Variants in OXSR1 observed in about 807,000 individuals in gnomAD.
OXSR1 encodes the protein oxidative stress responsive kinase 1.
A neutral mutation model predicts 79.8 loss-of-function variants in OXSR1; 24 were observed. The ratio of observed to expected loss-of-function variants is 0.30; its 90% CI spans 0.22 to 0.42. OXSR1 has a LOEUF of 0.42. Ranked by LOEUF, OXSR1 falls within the 10% of genes least tolerant of loss-of-function variation. The pLI is 1.00. For synonymous variants in OXSR1, 226 were observed against 209.2 expected (o/e 1.08, Z -0.69); for missense variants, 430 against 618.4 (o/e 0.70, Z 3.23).
At position 38,223,874 on chromosome 3, in the gene OXSR1, T is replaced by C. The variant is rs769501705; in HGVS notation, c.663T>C (p.Ala221=). Residue 221 remains alanine (A), a synonymous_variant, in exon 7 of 18, where the codon GCT becomes GCC. Coordinates refer to ENST00000311806, the MANE Select transcript of OXSR1 (RefSeq NM_005109.3). ...WSFGITAIEL[A]TGAAPYHKYP... ...TTGGAATTACAGCAATTGAATTGGCTACAGGGGCGGCTCCTTATCATAAAT... is the reference window on the plus strand; with the variant it reads ...TTGGAATTACAGCAATTGAATTGGCCACAGGGGCGGCTCCTTATCATAAAT... 1.2e-6 allele frequency: 2 copies of C among 1,609,426 alleles called. No homozygotes were observed. The highest frequency in any genetic ancestry group is 1.7e-6 in the Non-Finnish European group (2 of 1,177,080).
intron 4 of OXSR1, among the ~76,000 whole-genome samples, chr3:38,206,804 C>T (rs112380814): frequency 7.4e-4 from 112 of 152,306 alleles, no homozygotes; most frequent in Non-Finnish European, 1.2e-3. Flanking sequence ...TTGATTAGCA[C>T]AGTCTTTCTT....
intron 1 of OXSR1, among the ~76,000 whole-genome samples, chr3:38,178,621 T>TATATATATA (rs1491123706): frequency 2.7e-3 from 180 of 65,738 alleles, no homozygotes; most frequent in African/African-American, 0.012. Context: ...TATATATATA[T>TATATATATA]TTTTTTTTTT....
At chr3:38,212,609 A>C (rs573809765) in intron 4 of OXSR1, among the ~76,000 whole-genome samples, 1 of 152,338 alleles carries the variant, frequency 6.6e-6, no homozygotes, top group South Asian at 2.1e-4. Flanking sequence ...ATGAGTAATA[A>C]AAATGTTATG....
At chr3:38,236,594 A>T (rs1482150261) in intron 10 of OXSR1, 1 of 277,942 alleles carries the variant, frequency 3.6e-6, no homozygotes, top group Non-Finnish European at 6.7e-6. Context: ...GATTTTACAT[A>T]AAAAGGATTT....
At chr3:38,191,948 G>A (rs931640016) in intron 3 of OXSR1, among the ~76,000 whole-genome samples, 3 of 152,118 alleles carry the variant, frequency 2.0e-5, no homozygotes, top group African/African-American at 4.8e-5. Flanking sequence ...CAACTGGGAC[G>A]CTGATTAATC....
At chr3:38,243,636 C>G (rs1423159199) in intron 12 of OXSR1, among the ~76,000 whole-genome samples, 2 of 152,164 alleles carry the variant, frequency 1.3e-5, no homozygotes, top group African/African-American at 2.4e-5. Context: ...TAAACCAATT[C>G]TATTCTTGCC....
intron 1 of OXSR1, among the ~76,000 whole-genome samples, chr3:38,173,906 G>A (rs1204708836): frequency 1.3e-5 from 2 of 152,176 alleles, no homozygotes; most frequent in African/African-American, 2.4e-5. Flanking sequence ...GGTGGAGGTG[G>A]GGTTTCAGTT....
intron 11 of OXSR1, among the ~76,000 whole-genome samples, chr3:38,239,896 C>T (rs1702994400): frequency 6.6e-6 from 1 of 152,190 alleles, no homozygotes; most frequent in Non-Finnish European, 1.5e-5. Context: ...TATGTAGGGA[C>T]AAGGCCCACC....
Position 38,198,794 on chromosome 3 carries a change from C to T in OXSR1, c.365C>T (p.Thr122Ile). 24 of 1,612,478 alleles carry T rather than the reference C, an allele frequency of 1.5e-5. No individual in the cohort carries two copies. The highest frequency in any genetic ancestry group is 2.0e-5 in the Non-Finnish European group (23 of 1,178,616). The change falls in exon 4 of 18, where the codon ACC (threonine) becomes ATC (isoleucine). Residue 122 changes from threonine (T) to isoleucine (I), a missense_variant. Coordinates refer to ENST00000311806, the MANE Select transcript of OXSR1 (RefSeq NM_005109.3). ...AAAAGTGGAGTCCTAGATGAATCTA[C>T]CATTGCTACGATACTCCGAGAAGTA... is the stretch of plus-strand genomic sequence containing the variant. ...EHKSGVLDES[T>I]IATILREVLE... is the part of the protein sequence containing the mutation.
intron 4 of OXSR1, among the ~76,000 whole-genome samples, chr3:38,202,107 G>A (rs970131833): frequency 2.0e-4 from 30 of 152,184 alleles, no homozygotes; most frequent in Non-Finnish European, 1.2e-4. Context: ...TAGTTATCTC[G>A]AAAGATAGGA....
intron 4 of OXSR1, among the ~76,000 whole-genome samples, chr3:38,209,427 A>G (rs1015825514): frequency 6.6e-6 from 1 of 151,616 alleles, no homozygotes; most frequent in Non-Finnish European, 1.5e-5. Flanking sequence ...ACACTTTGGC[A>G]TTGGGACCTT....
At chr3:38,193,779 C>T (rs1244146738) in intron 3 of OXSR1, among the ~76,000 whole-genome samples, 4 of 152,128 alleles carry the variant, frequency 2.6e-5, no homozygotes, top group East Asian at 1.9e-4. Context: ...TCTAGCCTAG[C>T]ACTCAGCAGA....
At chr3:38,244,162 A>G (rs1299853340) in intron 12 of OXSR1, among the ~76,000 whole-genome samples, 1 of 152,132 alleles carries the variant, frequency 6.6e-6, no homozygotes, top group African/African-American at 2.4e-5. Flanking sequence ...TATTTTACAG[A>G]TTATCTAGTT....
intron 8 of OXSR1, among the ~76,000 whole-genome samples, chr3:38,227,069 T>C (rs1414947739): frequency 6.6e-6 from 1 of 152,218 alleles, no homozygotes; most frequent in African/African-American, 2.4e-5. Context: ...TTAAGAAAAC[T>C]GGAAGCTATA....
At chr3:38,251,213 T>C (rs935794710) in intron 15 of OXSR1, among the ~76,000 whole-genome samples, 190 bp from the exon 16 acceptor site, 1 of 152,158 alleles carries the variant, frequency 6.6e-6, no homozygotes, top group African/African-American at 2.4e-5. Context: ...CTGTGAGAAT[T>C]CCACTTGAGA....
At chr3:38,172,324 A>G (rs574029516) in intron 1 of OXSR1, among the ~76,000 whole-genome samples, 9 of 152,248 alleles carry the variant, frequency 5.9e-5, no homozygotes, top group Admixed American at 2.0e-4. Flanking sequence ...ACATCGTAGT[A>G]TAACTGTAAG....
chr3:38,168,245 T>C (rs560571951), intron 1 of OXSR1, among the ~76,000 whole-genome samples: 55 of 152,358 alleles, frequency 3.6e-4, no homozygotes, highest in African/African-American at 1.3e-3. Flanking sequence ...GTGTAACATT[T>C]AGTGGTTTTT....
intron 5 of OXSR1, among the ~76,000 whole-genome samples, chr3:38,216,579 GT>G (rs1160639647): frequency 3.3e-5 from 5 of 152,196 alleles, no homozygotes; most frequent in Non-Finnish European, 5.9e-5. Flanking sequence ...AGAAGTAGAA[GT>G]GCACTTTTGG....
chr3:38,248,680 G>A (rs1703194299), intron 14 of OXSR1, among the ~76,000 whole-genome samples: 2 of 152,056 alleles, frequency 1.3e-5, no homozygotes, highest in African/African-American at 4.8e-5. Flanking sequence ...TAGGAGCAAT[G>A]CATTTATGCC....
Sources: gnomAD v4.1 joint callset for allele counts (sites outside exome capture counted in the v4.1 genomes callset) on GRCh38, gnomAD v4.1.1 for gene constraint, MANE v1.5 for transcripts, NCBI Gene and HGNC (gene_info 2026-07-23, HGNC 2026-07-21) for gene names.